NIPA2: variants seen among roughly 807,000 people sequenced by gnomAD.
NIPA2 encodes the protein magnesium transporter NIPA2.
In NIPA2, 11 loss-of-function variants were observed where a neutral mutation model predicts 29.7. The observed-to-expected ratio is 0.37, with a 90% CI of 0.23 to 0.61. The LOEUF (loss-of-function observed/expected upper bound fraction) is 0.61. NIPA2 is among the 20% of genes least tolerant of loss of function. NIPA2 has a pLI of 0.66. For missense variants in NIPA2, 426 were observed against 437.9 expected (o/e 0.97, Z 0.24); for synonymous variants, 183 against 161.9 (o/e 1.13, Z -0.99).
In NIPA2 at chr15:22,867,846, A is replaced by ATGTT. The variant is rs3834955; in HGVS notation, c.*1005_*1008dup. 0.39 allele frequency: 58,445 copies of ATGTT among 151,794 alleles called. 11,529 individuals carry two copies. The highest frequency in any genetic ancestry group is 0.47 in the Middle Eastern group (138 of 292). The allele number at this position is 151,794 out of a possible 1,614,324, so 9.4% of individuals were successfully genotyped here. The stretch of plus-strand genomic sequence containing the variant: ...CACTACATATTTTGGTTTCTAGAAA[A>ATGTT]TGTTTGTTTATGAAGAAGTCGATGG... On this transcript the variant is annotated 3_prime_UTR_variant, in exon 8 of 8. Transcript: ENST00000337451.
rs1178611928 is a variant in NIPA2 at position 22,868,206 on chromosome 15, A to G, written c.*1359A>G. 6.6e-6 allele frequency: 1 copy of G among 152,108 alleles called. No homozygotes were observed. The highest frequency in any genetic ancestry group is 1.9e-4 in the East Asian group (1 of 5,200). 9.4% of individuals were successfully genotyped at this position (152,108 alleles called of 1,614,324 possible). ...TTGGCCTTCTAAGGAGCTGTTTTAG[A>G]TGTTTTTTCTAACTGCCTCCTCCCA... On this transcript the variant is annotated 3_prime_UTR_variant, in exon 8 of 8. Coordinates refer to ENST00000337451, the MANE Select transcript of NIPA2 (RefSeq NM_030922.7).
intron 2 of NIPA2, among the ~76,000 whole-genome samples, chr15:22,841,804 G>C (rs1897168182): frequency 6.6e-6 from 1 of 152,292 alleles, no homozygotes; most frequent in Admixed American, 6.5e-5. Flanking sequence ...ACCGCGCCCG[G>C]CCGGACACTC....
At chr15:22,843,374 T>G (rs1490918354) in intron 2 of NIPA2, among the ~76,000 whole-genome samples, 1 of 151,254 alleles carries the variant, frequency 6.6e-6, no homozygotes, top group African/African-American at 2.4e-5. Flanking sequence ...TGCATGGTGG[T>G]GGGTGCCTGT....
intron 4 of NIPA2, 32 bp from the exon 5 acceptor site, chr15:22,853,180 T>A: frequency 6.8e-7 from 1 of 1,477,640 alleles, no homozygotes; most frequent in Non-Finnish European, 9.4e-7. Flanking sequence ...CTTACAGTCT[T>A]CCAAAGATGT....
In NIPA2 at chr15:22,867,161, A is replaced by C; in HGVS notation, c.*314A>C. On this transcript the variant is annotated 3_prime_UTR_variant, in exon 8 of 8. Transcript: ENST00000337451. ...GTCTATGAAAATGCTTTATTTTTTCATTGGTGATGAAAGTCTGAAATGTGC... is the reference window on the plus strand; with the variant it reads ...GTCTATGAAAATGCTTTATTTTTTCCTTGGTGATGAAAGTCTGAAATGTGC... The C allele has an allele frequency of 2.2e-6, 1 of 446,744 alleles. No homozygotes were observed. Among genetic ancestry groups the C allele is most frequent in the Non-Finnish European group, 3.9e-6 (1 of 255,664 alleles). 27.7% of individuals were successfully genotyped at this position (446,744 alleles called of 1,614,324 possible).
rs1291073446 is a variant in NIPA2, at chr15:22,868,334, A to AGACTC, written c.*1488_*1492dup. On this transcript the variant is annotated 3_prime_UTR_variant, in exon 8 of 8. Transcript: ENST00000337451. ...CCAGTTTTCTCCCCCTTGAGGACAGAGACTCATTTGAACATGCATAGGTTA... is the reference window on the plus strand; with the variant it reads ...CCAGTTTTCTCCCCCTTGAGGACAGAGACTCGACTCATTTGAACATGCATAGGTTA... 14 of 152,126 alleles carry AGACTC rather than the reference A, an allele frequency of 9.2e-5. No individual in the cohort carries two copies. Among genetic ancestry groups the AGACTC allele is most frequent in the African/African-American group, 3.4e-4 (14 of 41,416 alleles). The allele number at this position is 152,126 out of a possible 1,614,324, so 9.4% of individuals were successfully genotyped here.
intron 6 of NIPA2, among the ~76,000 whole-genome samples, chr15:22,859,376 T>C (rs2058455557): frequency 7.1e-6 from 1 of 140,962 alleles, no homozygotes; most frequent in Non-Finnish European, 1.5e-5. Context: ...CCCTGCAAGC[T>C]CCACCTCCCG....
intron 7 of NIPA2, among the ~76,000 whole-genome samples, chr15:22,862,869 G>A (rs1055688417): frequency 6.6e-6 from 1 of 150,602 alleles, no homozygotes. Context: ...AGCTTTGTTG[G>A]GCCTAGTTTC....
chr15:22,860,817 T>A, intron 7 of NIPA2, 28 bp downstream of exon 7: 2 of 1,525,822 alleles, frequency 1.3e-6, no homozygotes, highest in Non-Finnish European at 1.8e-6. Context: ...TTAGTCTTAC[T>A]GTATTTTACT....
At chr15:22,841,628 C>T (rs1484339107) in intron 2 of NIPA2, among the ~76,000 whole-genome samples, 1 of 152,144 alleles carries the variant, frequency 6.6e-6, no homozygotes, top group Non-Finnish European at 1.5e-5. Flanking sequence ...CCTGCCTCAG[C>T]CTCCCGAGTA....
chr15:22,865,302 T>C (rs963966850), intron 7 of NIPA2, among the ~76,000 whole-genome samples: 7 of 151,476 alleles, frequency 4.6e-5, no homozygotes, highest in Non-Finnish European at 7.4e-5. Context: ...CTGACTAACA[T>C]GGTGAAACCC....
At position 22,867,186 on chromosome 15, in the gene NIPA2, C is replaced by CATT. The variant is rs2141712308; in HGVS notation, c.*340_*342dup. 3 of 435,396 alleles carry CATT rather than the reference C, an allele frequency of 6.9e-6. No individual in the cohort carries two copies. The highest frequency in any genetic ancestry group is 7.6e-5 in the South Asian group (1 of 13,196). The allele number at this position is 435,396 out of a possible 1,614,324, so 27.0% of individuals were successfully genotyped here. On this transcript the variant is annotated 3_prime_UTR_variant, in exon 8 of 8. Coordinates refer to ENST00000337451, the MANE Select transcript of NIPA2 (RefSeq NM_030922.7). The stretch of plus-strand genomic sequence containing the variant: ...ATTGGTGATGAAAGTCTGAAATGTG[C>CATT]ATTTGTCATCCCCACTCCATCAATC...
At chr15:22,854,730 G>A (rs957657467) in intron 5 of NIPA2, among the ~76,000 whole-genome samples, 45 of 152,018 alleles carry the variant, frequency 3.0e-4, no homozygotes, top group African/African-American at 1.1e-3. Context: ...CTGGGTGATA[G>A]AGTGAGACTC....
chr15:22,866,001 A>G (rs1412468732), intron 7 of NIPA2, among the ~76,000 whole-genome samples: 1 of 152,126 alleles, frequency 6.6e-6, no homozygotes, highest in Non-Finnish European at 1.5e-5. Context: ...GGGTATAACA[A>G]TTTGTGAATA....
intron 7 of NIPA2, 137 bp from the exon 8 acceptor site, chr15:22,866,076 G>T: frequency 1.5e-6 from 1 of 677,078 alleles, no homozygotes; most frequent in East Asian, 2.7e-5. Flanking sequence ...ATTTCTGCTT[G>T]GGCTGCAAAA....
chr15:22,858,551 G>T lies in NIPA2; in HGVS notation c.208G>T (p.Glu70Ter). ...WAGLLSMGAG[E>*]VANFAAYAFA... is the part of the protein sequence containing the mutation. The stretch of plus-strand genomic sequence containing the variant: ...TGTCTGTCTCTAAGTGGGAGCTGGT[G>T]AGGTGGCCAACTTCGCTGCGTATGC... The change falls in exon 6 of 8, where the codon GAG becomes TAG. Residue 70 changes from glutamate to a stop codon, truncating the protein, a stop_gained. Coordinates refer to ENST00000337451, the MANE Select transcript of NIPA2 (RefSeq NM_030922.7). LOFTEE classifies it high-confidence loss of function. 2.5e-6 allele frequency: 4 copies of T among 1,606,190 alleles called. No homozygotes were observed. Among genetic ancestry groups the T allele is most frequent in the Non-Finnish European group, 2.6e-6 (3 of 1,175,238 alleles).
chr15:22,851,597 T>C (rs928395161), intron 3 of NIPA2, 42 bp from the exon 4 acceptor site: 13 of 642,918 alleles, frequency 2.0e-5, no homozygotes, highest in Admixed American at 3.6e-5. Context: ...TGAGCTGTCA[T>C]GAGCATTCTG....
chr15:22,840,735 T>C (rs534143102), intron 2 of NIPA2, among the ~76,000 whole-genome samples: 27 of 152,280 alleles, frequency 1.8e-4, no homozygotes, highest in South Asian at 8.3e-4. Flanking sequence ...CTTCATCTTA[T>C]TGCGTAGAAG....
chr15:22,865,253 A>G (rs1179133613), intron 7 of NIPA2, among the ~76,000 whole-genome samples: 25 of 150,972 alleles, frequency 1.7e-4, no homozygotes, highest in Admixed American at 1.7e-3. Flanking sequence ...TTGGGAGGCC[A>G]GAGCGGGTGG....
Sources: gnomAD v4.1 joint callset for allele counts (sites outside exome capture counted in the v4.1 genomes callset) on GRCh38, gnomAD v4.1.1 for gene constraint, MANE v1.5 for transcripts, NCBI Gene and HGNC (gene_info 2026-07-23, HGNC 2026-07-21) for gene names.